The following SAMSN1 variants were observed in gnomAD, a reference collection of about 807,000 sequenced individuals.
The protein encoded by SAMSN1 is SAM domain, SH3 domain and nuclear localization signals 1.
SAMSN1 carries 31 observed loss-of-function variants against 42.0 expected under a neutral mutation model. The ratio of observed to expected loss-of-function variants is 0.74; its 90% CI spans 0.55 to 1.00. SAMSN1 has a LOEUF of 1.00. SAMSN1 is among the 50% of genes least tolerant of loss of function. The pLI is 0.00. For missense variants in SAMSN1, 464 were observed against 439.4 expected (o/e 1.06, Z -0.50); for synonymous variants, 178 against 151.9 (o/e 1.17, Z -1.26).
At chr21:14,508,855 C>T (rs59082350) in intron 5 of SAMSN1, among the ~76,000 whole-genome samples, 1 of 152,024 alleles carries the variant, frequency 6.6e-6, no homozygotes, top group African/African-American at 2.4e-5. Context: ...ATAGGCTGGG[C>T]GTGGTGGCTC....
intron 1 of SAMSN1, among the ~76,000 whole-genome samples, chr21:14,647,321 C>T (rs569668109): frequency 2.6e-5 from 4 of 151,208 alleles, no homozygotes. Flanking sequence ...TTTCTGAGGG[C>T]TCTGTTCTGT....
At chr21:14,623,536 T>A (rs1437330073) in intron 2 of SAMSN1, among the ~76,000 whole-genome samples, 1 of 152,168 alleles carries the variant, frequency 6.6e-6, no homozygotes, top group Non-Finnish European at 1.5e-5. Flanking sequence ...AGAAGACCAT[T>A]ACATAATAGT....
intron 5 of SAMSN1, among the ~76,000 whole-genome samples, chr21:14,602,470 G>C (rs1160587515): frequency 6.6e-6 from 1 of 152,038 alleles, no homozygotes; most frequent in Non-Finnish European, 1.5e-5. Context: ...ATTAAACTAA[G>C]CTTTCCACCC....
Position 14,502,300 on chromosome 21 carries a change from G to A in SAMSN1, c.562-1565C>T, listed in dbSNP as rs1987201423. 2.0e-5 allele frequency among the ~76,000 whole-genome samples: 3 copies of A among 152,182 alleles called. No individual in the cohort carries two copies. In the South Asian group the frequency reaches 6.2e-4, roughly 32 times the overall value. On this transcript the variant is annotated intron_variant, in intron 5 of 7. Coordinates refer to ENST00000400566, the MANE Select transcript of SAMSN1 (RefSeq NM_022136.5). ...AGGGAATCAAATCATAGGTTGGATG[G>A]TATCAGCTAGGGAGACTGAGAAGCT...
At chr21:14,487,412 G>A (rs575489093) in intron 7 of SAMSN1, among the ~76,000 whole-genome samples, 5 of 151,574 alleles carry the variant, frequency 3.3e-5, no homozygotes, top group Middle Eastern at 3.4e-3. Context: ...GCTAACATTA[G>A]TTTATGATCC....
chr21:14,507,186 A>C (rs1568773456), intron 5 of SAMSN1, among the ~76,000 whole-genome samples: 1 of 152,212 alleles, frequency 6.6e-6, no homozygotes, highest in Non-Finnish European at 1.5e-5. Flanking sequence ...TGGAAGTCCT[A>C]GCCAGAGCAA....
intron 2 of SAMSN1, among the ~76,000 whole-genome samples, chr21:14,636,038 C>T (rs1296232594): frequency 6.6e-6 from 1 of 152,064 alleles, no homozygotes; most frequent in Non-Finnish European, 1.5e-5. Flanking sequence ...TTAATTCCCA[C>T]CTATGAGTGA....
chr21:14,623,866 A>G (rs1038520868), intron 2 of SAMSN1, among the ~76,000 whole-genome samples: 1 of 152,198 alleles, frequency 6.6e-6, no homozygotes, highest in African/African-American at 2.4e-5. Flanking sequence ...AACTGACCAC[A>G]TAGTTAGAAG....
chr21:14,520,112 G>A (rs1469711117), intron 2 of SAMSN1, among the ~76,000 whole-genome samples: 1 of 152,110 alleles, frequency 6.6e-6, no homozygotes, highest in Non-Finnish European at 1.5e-5. Context: ...TTATTTCATC[G>A]TGAGTGCTCA....
At chr21:14,557,027 T>C (rs1043496444) in intron 2 of SAMSN1, among the ~76,000 whole-genome samples, 8 of 152,186 alleles carry the variant, frequency 5.3e-5, no homozygotes, top group Admixed American at 2.0e-4. Flanking sequence ...AGATTTCTTG[T>C]TATGTTTCCA....
Position 14,556,682 on chromosome 21 carries a change from G to A in SAMSN1, c.261+25454C>T, listed in dbSNP as rs374670381. ...TTTATACATGAAGTGCAAAGCCACAGTGAGGCATGCTGCCTCGGAAGCCTA... is the reference window on the plus strand; with the variant it reads ...TTTATACATGAAGTGCAAAGCCACAATGAGGCATGCTGCCTCGGAAGCCTA... On this transcript the variant is annotated intron_variant, in intron 2 of 8. Coordinates refer to the SAMSN1 transcript ENST00000285670. Among the ~76,000 whole-genome samples the A allele has an allele frequency of 5.9e-5, 9 of 152,312 alleles. No homozygotes were observed. In the South Asian group the frequency reaches 1.7e-3, roughly 28 times the overall value.
intron 1 of SAMSN1, among the ~76,000 whole-genome samples, chr21:14,539,037 T>C (rs1188472013): frequency 6.6e-6 from 1 of 152,186 alleles, no homozygotes; most frequent in Admixed American, 6.5e-5. Flanking sequence ...ATTTGTGGGA[T>C]CCATGTCTTT....
chr21:14,514,459 A>T (rs766964513), intron 3 of SAMSN1, among the ~76,000 whole-genome samples: 2 of 152,184 alleles, frequency 1.3e-5, no homozygotes, highest in Non-Finnish European at 2.9e-5. Flanking sequence ...GGGGGAAAGA[A>T]TAAAAAGAAT....
intron 5 of SAMSN1, 99 bp downstream of exon 5, chr21:14,510,211 A>G (rs1987622556): frequency 8.9e-7 from 1 of 1,124,722 alleles, no homozygotes; most frequent in African/African-American, 1.5e-5. Context: ...TGGGAAGAAC[A>G]CACTCACACT....
chr21:14,645,161 G>A (rs2123385571), intron 1 of SAMSN1, among the ~76,000 whole-genome samples: 1 of 152,304 alleles, frequency 6.6e-6, no homozygotes, highest in Non-Finnish European at 1.5e-5. Context: ...AGCGCTTTGA[G>A]TGAACACAGG....
At chr21:14,576,400 C>T (rs925317788) in intron 2 of SAMSN1, among the ~76,000 whole-genome samples, 9 of 152,010 alleles carry the variant, frequency 5.9e-5, no homozygotes, top group African/African-American at 2.2e-4. Flanking sequence ...CAGCTTATCC[C>T]GGTTAAGCTG....
chr21:14,533,550 C>G (rs1979401308), intron 1 of SAMSN1, among the ~76,000 whole-genome samples: 1 of 152,198 alleles, frequency 6.6e-6, no homozygotes, highest in Admixed American at 6.5e-5. Context: ...TATCACGTCT[C>G]TATGTCCAGG....
chr21:14,624,795 G>GA (rs1299282087), intron 2 of SAMSN1, among the ~76,000 whole-genome samples: 3 of 152,172 alleles, frequency 2.0e-5, no homozygotes, highest in Non-Finnish European at 2.9e-5. Flanking sequence ...GCATCATCCT[G>GA]ATACCAAAGC....
intron 7 of SAMSN1, among the ~76,000 whole-genome samples, chr21:14,490,849 C>T (rs914814783): frequency 3.3e-5 from 5 of 152,168 alleles, no homozygotes; most frequent in Admixed American, 6.5e-5. Flanking sequence ...TTTTCGCTTT[C>T]AGCTAGGGCA....
Sources: allele counts gnomAD v4.1 joint callset (sites outside exome capture counted in the v4.1 genomes callset), GRCh38; gene constraint gnomAD v4.1.1; transcripts MANE v1.5; gene names NCBI Gene and HGNC (gene_info 2026-07-23, HGNC 2026-07-21).